Variants in HOXD3 observed in about 807,000 individuals in gnomAD.
HOXD3 encodes homeobox protein Hox-D3.
In HOXD3, 13 loss-of-function variants were observed where a neutral mutation model predicts 32.8. The observed-to-expected ratio is 0.40, with a 90% CI of 0.26 to 0.63. The LOEUF is 0.63. Among genes scored for constraint, HOXD3 ranks in the 20% least tolerant of loss-of-function variants. The probability of loss-of-function intolerance (pLI) is 0.44; values close to 1 mark genes in which losing one functional copy is unlikely to be tolerated. For missense variants in HOXD3, 504 were observed against 577.1 expected (o/e 0.87, Z 1.30); for synonymous variants, 241 against 246.8 (o/e 0.98, Z 0.22).
chr2:176,171,031 G>C (rs769702615), intron 3 of HOXD3, among the ~76,000 whole-genome samples: 1 of 152,206 alleles, frequency 6.6e-6, no homozygotes, highest in Non-Finnish European at 1.5e-5. Flanking sequence ...CTGGGGGTTG[G>C]TGGGGGGCTT....
chr2:176,171,796 G>A lies in HOXD3; in HGVS notation c.821G>A (p.Gly274Asp), dbSNP rs1574989250. Residue 274 changes from glycine (G) to aspartate (D), a missense_variant, in exon 4 of 4, where the codon GGC becomes GAC. Coordinates refer to ENST00000683222, the MANE Select transcript of HOXD3 (RefSeq NM_006898.5). ...SQSPERSPPL[G>D]GAAGHVAYSG... The stretch of plus-strand genomic sequence containing the variant: ...TCCCCTGAGCGCAGCCCACCGCTCG[G>A]CGGCGCCGCTGGCCACGTGGCCTAC... 5 of 1,612,820 alleles carry A rather than the reference G, an allele frequency of 3.1e-6. No homozygotes were observed. The East Asian group carries it at 1.1e-4, about 36-fold the overall frequency.
intron 1 of HOXD3, among the ~76,000 whole-genome samples, chr2:176,161,461 A>G (rs1690800619): frequency 6.6e-6 from 1 of 152,128 alleles, no homozygotes; most frequent in Non-Finnish European, 1.5e-5. Context: ...AAAGAAATTA[A>G]AACTTTTTTA....
chr2:176,168,890 G>T, intron 2 of HOXD3, 141 bp from the exon 3 acceptor site: 3 of 558,848 alleles, frequency 5.4e-6, no homozygotes, highest in Non-Finnish European at 9.0e-6. Context: ...AAATAGATAA[G>T]TAAATAAACT....
rs774623730 is a variant in HOXD3, at chr2:176,171,502, T to C, written c.542-15T>C. ...CCACTCGCTCAGCGCCCTCCCTCTC[T>C]CCCTCCCTGCCCAGGAGAGAGCTGC... On this transcript the variant is annotated splice_polypyrimidine_tract_variant and intron_variant, in intron 3 of 3. Coordinates refer to ENST00000683222, the MANE Select transcript of HOXD3 (RefSeq NM_006898.5). 7 of 1,564,288 alleles carry C rather than the reference T, an allele frequency of 4.5e-6. No homozygotes were observed. Among genetic ancestry groups the C allele is most frequent in the Non-Finnish European group, 2.6e-6 (3 of 1,154,034 alleles).
At chr2:176,152,598 T>A, upstream of HOXD3, 1 of 1,612,606 alleles carries the variant, frequency 6.2e-7, no homozygotes, top group South Asian at 1.1e-5. This position sits in a 1 kb window ranked among gnomAD's most constrained non-coding sequence, Gnocchi z 5.2. Flanking sequence ...CTGTCTGTTT[T>A]GTCTCGCAGT....
In HOXD3 at chr2:176,169,234, T is replaced by G. The variant is rs2105450771; in HGVS notation, c.120T>G (p.Thr40=). 2 of 1,614,096 alleles carry G rather than the reference T, an allele frequency of 1.2e-6. No homozygotes were observed. The highest frequency in any genetic ancestry group is 1.1e-5 in the South Asian group (1 of 91,084). ...GGYGYSKTTD[T]YGYSTPHQPY... The stretch of plus-strand genomic sequence containing the variant: ...ATGGCTACAGCAAAACTACGGACAC[T>G]TACGGCTACAGCACCCCCCACCAGC... Residue 40 remains threonine, a synonymous_variant, in exon 3 of 4, where the codon ACT becomes ACG. Coordinates refer to ENST00000683222, the MANE Select transcript of HOXD3 (RefSeq NM_006898.5).
chr2:176,156,521 TG>T (rs371007008), upstream of HOXD3, among the ~76,000 whole-genome samples: 8 of 152,276 alleles, frequency 5.3e-5, no homozygotes, highest in East Asian at 1.2e-3. Flanking sequence ...GAGAGCGTGC[TG>T]GGTTCTGGGC....
upstream of HOXD3, chr2:176,152,991 AGCTGC>A: frequency 6.3e-7 from 1 of 1,579,526 alleles, no homozygotes; most frequent in Non-Finnish European, 8.7e-7. The surrounding 1 kb of genome is among the most constrained non-coding windows in gnomAD (Gnocchi z 5.2). Flanking sequence ...GCTGAGCCGA[AGCTGC>A]GGGGGCAGGC....
chr2:176,158,257 A>G (rs570788176), intron 1 of HOXD3, among the ~76,000 whole-genome samples: 3 of 152,318 alleles, frequency 2.0e-5, no homozygotes, highest in African/African-American at 4.8e-5. Context: ...AGCCTGGGGA[A>G]AGGAGGATGG....
At position 176,169,569 on chromosome 2, in the gene HOXD3, C is replaced by G. The variant is rs774350237; in HGVS notation, c.455C>G (p.Ser152Cys). 4 of 1,613,842 alleles carry G rather than the reference C, an allele frequency of 2.5e-6. No individual in the cohort carries two copies. The highest frequency in any genetic ancestry group is 3.4e-6 in the Non-Finnish European group (4 of 1,179,990). Residue 152 changes from serine to cysteine, a missense_variant, in exon 3 of 4, where the codon TCC becomes TGC. Coordinates refer to ENST00000683222, the MANE Select transcript of HOXD3 (RefSeq NM_006898.5). ...KPKGGPNASS[S>C]SATISKQIFP... ...AAAGGTGGGCCCAATGCTTCTAGCT[C>G]CTCAGCCACCATCAGCAAGCAGATC...
upstream of HOXD3, among the ~76,000 whole-genome samples, chr2:176,156,758 G>T (rs892645463): frequency 6.8e-6 from 1 of 146,232 alleles, no homozygotes; most frequent in Non-Finnish European, 1.6e-5. Context: ...TCGCCTTGAA[G>T]AAGGGGCCAA....
chr2:176,168,050 A>G (rs181340623), intron 2 of HOXD3, among the ~76,000 whole-genome samples: 11 of 152,346 alleles, frequency 7.2e-5, no homozygotes, highest in Non-Finnish European at 1.2e-4. Context: ...CCTCAGCTAC[A>G]GTTGAGCTAA....
upstream of HOXD3, among the ~76,000 whole-genome samples, chr2:176,155,971 A>G (rs1690636965): frequency 6.6e-6 from 1 of 152,076 alleles, no homozygotes; most frequent in Non-Finnish European, 1.5e-5. Context: ...GAATTGACCA[A>G]TGTTTTGCTG....
chr2:176,161,154 T>C (rs1426591651), intron 1 of HOXD3: 2 of 152,232 alleles, frequency 1.3e-5, no homozygotes, highest in Non-Finnish European at 2.9e-5. Flanking sequence ...ATATTAAATA[T>C]GATTTATTTT....
In HOXD3 at chr2:176,172,085, C is replaced by G. The variant is rs1444879070; in HGVS notation, c.1110C>G (p.Ser370=). The G allele has an allele frequency of 1.9e-6, 3 of 1,611,658 alleles. No individual in the cohort carries two copies. Among genetic ancestry groups the G allele is most frequent in the Admixed American group, 3.3e-5 (2 of 59,978 alleles). ...GNFVESMAPA[S]GPVFNLGHLS... ...TCGTCGAGTCCATGGCGCCCGCGTC[C>G]GGGCCTGTCTTCAACCTGGGCCACC... The change falls in exon 4 of 4, where the codon TCC becomes TCG. Residue 370 remains serine, a synonymous_variant. Coordinates refer to ENST00000683222, the MANE Select transcript of HOXD3 (RefSeq NM_006898.5).
chr2:176,156,655 G>A (rs367973148), upstream of HOXD3, among the ~76,000 whole-genome samples: 8 of 151,988 alleles, frequency 5.3e-5, no homozygotes, highest in East Asian at 1.2e-3. Context: ...CTTCTTCCGC[G>A]CCCCCTCCAC....
At chr2:176,155,941 C>T (rs151094325), upstream of HOXD3, among the ~76,000 whole-genome samples, 33 of 152,284 alleles carry the variant, frequency 2.2e-4, no homozygotes, top group Non-Finnish European at 4.1e-4. Context: ...TGTCTGTTCA[C>T]ACGAGATGCT....
rs759797288 is a variant in HOXD3 at position 176,172,324 on chromosome 2, T to TG, written c.*52dup. The TG allele has an allele frequency of 6.5e-7, 1 of 1,527,656 alleles. No individual in the cohort carries two copies. The highest frequency in any genetic ancestry group is 1.2e-5 in the South Asian group (1 of 80,932). The allele number at this position is 1,527,656 out of a possible 1,614,324, so 94.6% of individuals were successfully genotyped here. A position where few individuals can be genotyped will look rare whatever the true frequency, so the allele number is the denominator to read the frequency against. ...GGCAAAATTACCTCTCTTGCTGTAGTGGTGGGGTAGAGGGTGGGGCCCGCG... is the reference window on the plus strand; with the variant it reads ...GGCAAAATTACCTCTCTTGCTGTAGTGGGTGGGGTAGAGGGTGGGGCCCGCG... On this transcript the variant is annotated 3_prime_UTR_variant, in exon 4 of 4. Coordinates refer to ENST00000683222, the MANE Select transcript of HOXD3 (RefSeq NM_006898.5).
At chr2:176,152,619 T>C (rs778819565), upstream of HOXD3, 1 of 1,613,862 alleles carries the variant, frequency 6.2e-7, no homozygotes, top group Non-Finnish European at 8.5e-7. This position sits in a 1 kb window ranked among gnomAD's most constrained non-coding sequence, Gnocchi z 5.2. Flanking sequence ...GAACCCCAAC[T>C]ACACCGGTGG....
Sources: gnomAD v4.1 joint callset for allele counts (sites outside exome capture counted in the v4.1 genomes callset) on GRCh38, gnomAD v4.1.1 for gene constraint, Gnocchi (gnomAD v3.1) non-coding constraint, MANE v1.5 for transcripts, NCBI Gene and HGNC (gene_info 2026-07-23, HGNC 2026-07-21) for gene names.